Variants in PARD3B observed in about 807,000 individuals in gnomAD.
PARD3B encodes the protein partitioning defective 3 homolog B.
In PARD3B, 103 loss-of-function variants were observed where a neutral mutation model predicts 130.2. The observed-to-expected ratio is 0.79, with a 90% CI of 0.67 to 0.93. The LOEUF is 0.93. PARD3B is among the 40% of genes least tolerant of loss of function. The pLI, the probability that PARD3B is intolerant of heterozygous loss-of-function variation, is 0.00. For missense variants in PARD3B, 1,609 were observed against 1,499.2 expected, an observed-to-expected ratio of 1.07 and a Z score of -1.21; for synonymous variants, 583 against 553.2, an observed-to-expected ratio of 1.05 and a Z score of -0.76.
At chr2:204,855,607 A>C (rs900288445) in intron 2 of PARD3B, among the ~76,000 whole-genome samples, 2 of 151,334 alleles carry the variant, frequency 1.3e-5, no homozygotes, top group Non-Finnish European at 2.9e-5. Context: ...ATTATTACTA[A>C]CTGTGGTCAC....
chr2:205,235,952 A>G (rs932693259), intron 15 of PARD3B, among the ~76,000 whole-genome samples: 1 of 152,200 alleles, frequency 6.6e-6, no homozygotes, highest in Non-Finnish European at 1.5e-5. Context: ...AAGTCAATAA[A>G]CCATTAACCA....
At chr2:205,290,513 G>A (rs1028301588) in intron 16 of PARD3B, among the ~76,000 whole-genome samples, 1 of 152,166 alleles carries the variant, frequency 6.6e-6, no homozygotes, top group Non-Finnish European at 1.5e-5. Flanking sequence ...TGTTTGTTCT[G>A]AAATTTACAT....
chr2:205,524,304 C>G (rs2051235726), intron 21 of PARD3B, among the ~76,000 whole-genome samples: 1 of 152,104 alleles, frequency 6.6e-6, no homozygotes, highest in Admixed American at 6.6e-5. Context: ...TTCTCATCAC[C>G]TTACATCTGA....
At chr2:204,893,022 G>A (rs1174353474) in intron 2 of PARD3B, among the ~76,000 whole-genome samples, 1 of 152,130 alleles carries the variant, frequency 6.6e-6, no homozygotes. Context: ...CATAAAACTG[G>A]ATGAGACCAC....
chr2:205,068,749 T>G (rs1700544691), intron 4 of PARD3B, among the ~76,000 whole-genome samples: 1 of 152,204 alleles, frequency 6.6e-6, no homozygotes, highest in South Asian at 2.1e-4. Flanking sequence ...TGCCTTTCAT[T>G]TCTAAATGCT....
chr2:205,488,868 G>A (rs935214232), intron 20 of PARD3B, among the ~76,000 whole-genome samples: 4 of 152,092 alleles, frequency 2.6e-5, no homozygotes. Flanking sequence ...CAGATATTTG[G>A]TGTATCAATT....
intron 22 of PARD3B, among the ~76,000 whole-genome samples, chr2:205,554,664 C>A (rs1257197997): frequency 1.3e-5 from 2 of 152,104 alleles, no homozygotes; most frequent in African/African-American, 2.4e-5. Context: ...TGGATTCGAT[C>A]AATCTCAGAT....
chr2:204,981,238 A>G (rs1692641010), intron 3 of PARD3B, among the ~76,000 whole-genome samples: 1 of 152,200 alleles, frequency 6.6e-6, no homozygotes, highest in African/African-American at 2.4e-5. Flanking sequence ...AATTCTCAAC[A>G]GAAACGAGCG....
intron 10 of PARD3B, among the ~76,000 whole-genome samples, chr2:205,157,715 C>T (rs543006421): frequency 2.2e-4 from 34 of 152,240 alleles, no homozygotes; most frequent in African/African-American, 7.9e-4. Flanking sequence ...GAGGAAGGAA[C>T]CGACCTAGAA....
chr2:205,580,826 T>TG (rs2053937067), intron 22 of PARD3B, among the ~76,000 whole-genome samples: 1 of 152,096 alleles, frequency 6.6e-6, no homozygotes, highest in South Asian at 2.1e-4. Context: ...TAAAATGCCT[T>TG]GGAAAAAAAG....
chr2:205,199,939 A>C (rs1182684195), intron 15 of PARD3B, among the ~76,000 whole-genome samples: 1 of 151,976 alleles, frequency 6.6e-6, no homozygotes, highest in African/African-American at 2.4e-5. Context: ...GGTAATCTCA[A>C]TGCTGATCAT....
chr2:204,762,114 C>CTTTT (rs1559124381), intron 2 of PARD3B, among the ~76,000 whole-genome samples: 1 of 121,708 alleles, frequency 8.2e-6, no homozygotes, highest in African/African-American at 3.3e-5. Flanking sequence ...CCTTCTTTTT[C>CTTTT]TATTTTTTTT....
intron 4 of PARD3B, among the ~76,000 whole-genome samples, chr2:205,050,963 G>A (rs925157462): frequency 5.9e-5 from 9 of 152,108 alleles, no homozygotes; most frequent in African/African-American, 2.2e-4. Flanking sequence ...TTCACAAACT[G>A]TCAGAGGTGT....
At chr2:205,602,398 G>A (rs544454303) in intron 22 of PARD3B, among the ~76,000 whole-genome samples, 2 of 152,320 alleles carry the variant, frequency 1.3e-5, no homozygotes, top group South Asian at 2.1e-4. Flanking sequence ...CATAAAATTA[G>A]TTAGGGAGAA....
At position 204,623,729 on chromosome 2, in the gene PARD3B, C is replaced by T. The variant is rs1377409519; in HGVS notation, c.121-62452C>T. 6.6e-6 allele frequency among the ~76,000 whole-genome samples: 1 copy of T among 152,074 alleles called. No homozygotes were observed. The highest frequency in any genetic ancestry group is 1.5e-5 in the Non-Finnish European group (1 of 67,990). ...ATAATACAGCAGTATTAACTATTGG[C>T]ATAATGCTCCACAGCAGGTCTCTAG... On this transcript the variant is annotated intron_variant, in intron 1 of 22. Transcript: ENST00000406610. This position sits in a 1 kb window ranked among gnomAD's most constrained non-coding sequence, Gnocchi z 4.5.
intron 3 of PARD3B, among the ~76,000 whole-genome samples, chr2:204,984,263 T>C (rs1046085591): frequency 2.0e-5 from 3 of 152,162 alleles, no homozygotes; most frequent in African/African-American, 7.2e-5. Context: ...TTGCTGTCTG[T>C]AATAGTCAAG....
chr2:205,336,618 C>A (rs187790852), intron 18 of PARD3B, among the ~76,000 whole-genome samples: 291 of 152,252 alleles, frequency 1.9e-3, no homozygotes, highest in African/African-American at 6.7e-3. Context: ...GTTCATGGCC[C>A]AAACATTTGC....
intron 2 of PARD3B, among the ~76,000 whole-genome samples, chr2:204,929,866 T>C (rs1199164231): frequency 1.3e-5 from 2 of 152,084 alleles, no homozygotes; most frequent in African/African-American, 2.4e-5. Flanking sequence ...ACTGTATTTC[T>C]ATTCCGTAAC....
chr2:205,200,241 A>G (rs887176309), intron 15 of PARD3B, among the ~76,000 whole-genome samples: 2 of 152,200 alleles, frequency 1.3e-5, no homozygotes, highest in African/African-American at 4.8e-5. Context: ...AGAAAATTAA[A>G]TAACATATAC....
Sources: gnomAD v4.1 joint callset for allele counts (sites outside exome capture counted in the v4.1 genomes callset) on GRCh38, gnomAD v4.1.1 for gene constraint, Gnocchi (gnomAD v3.1) non-coding constraint, MANE v1.5 for transcripts, NCBI Gene and HGNC (gene_info 2026-07-23, HGNC 2026-07-21) for gene names.